The following PKHD1 variants were observed in gnomAD, a reference collection of about 807,000 sequenced individuals.
PKHD1 encodes fibrocystin.
Under a neutral mutation model 412.0 loss-of-function variants are expected in PKHD1, and 291 were observed. The ratio of observed to expected loss-of-function variants is 0.71; its 90% CI spans 0.64 to 0.78. The LOEUF (loss-of-function observed/expected upper bound fraction) is 0.78, where lower values mean the gene tolerates loss of function less well. Ranked by LOEUF, PKHD1 falls within the 30% of genes least tolerant of loss-of-function variation. The pLI is 0.00. For missense variants in PKHD1, 4,825 were observed against 4,950.7 expected (o/e 0.97, Z 0.76); for synonymous variants, 1,777 against 1,821.5 (o/e 0.98, Z 0.62).
chr6:51,676,839 C>T (rs1159240818), intron 60 of PKHD1, among the ~76,000 whole-genome samples: 1 of 152,106 alleles, frequency 6.6e-6, no homozygotes, highest in Non-Finnish European at 1.5e-5. Flanking sequence ...AAACTGTCTG[C>T]TTTTCTAGAA....
intron 62 of PKHD1, 115 bp from the exon 63 acceptor site, chr6:51,648,233 A>T: frequency 3.0e-6 from 2 of 668,822 alleles, no homozygotes; most frequent in Non-Finnish European, 5.4e-6. Context: ...ATTCAGTAGA[A>T]ATAAAGGAAA....
chr6:52,030,533 G>C (rs770929259), intron 29 of PKHD1, among the ~76,000 whole-genome samples: 1 of 152,088 alleles, frequency 6.6e-6, no homozygotes. Context: ...ACATGACTAC[G>C]AGGTGACAGT....
chr6:52,078,046 C>T (rs1447651340), intron 5 of PKHD1, among the ~76,000 whole-genome samples: 2 of 152,202 alleles, frequency 1.3e-5, no homozygotes, highest in East Asian at 3.8e-4. Context: ...GCATACCTCT[C>T]TATTTCAACC....
rs117111282 is a variant in PKHD1 at position 51,637,644 on chromosome 6, G to A, written c.11506+1205C>T. Among the ~76,000 whole-genome samples the A allele has an allele frequency of 2.2e-4, 33 of 151,668 alleles. No homozygotes were observed. In the East Asian group the frequency reaches 4.9e-3, roughly 22 times the overall value. On this transcript the variant is annotated intron_variant, in intron 64 of 66. Coordinates refer to ENST00000371117, the MANE Select transcript of PKHD1 (RefSeq NM_138694.4). The stretch of plus-strand genomic sequence containing the variant: ...ATCCAGGCTGGGCGTGGTGACTGAT[G>A]CCTGTAATCCCAGCACTTAGGGAGG...
intron 55 of PKHD1, among the ~76,000 whole-genome samples, chr6:51,756,912 G>A (rs78228270): frequency 0.042 from 6,460 of 152,172 alleles, 208 homozygotes; most frequent in Middle Eastern, 0.11. Context: ...AGGTGGATTC[G>A]GGATGAAACT....
intron 53 of PKHD1, among the ~76,000 whole-genome samples, chr6:51,785,411 T>C (rs1792701293): frequency 6.6e-6 from 1 of 152,218 alleles, no homozygotes. Context: ...AAAATGAAGT[T>C]GTTAAAGAAT....
In PKHD1 at chr6:51,883,242, A is replaced by G. The variant is rs772677103; in HGVS notation, c.7216-15T>C. The G allele has an allele frequency of 6.2e-7, 1 of 1,611,822 alleles. No individual in the cohort carries two copies. Among genetic ancestry groups the G allele is most frequent in the Admixed American group, 1.7e-5 (1 of 60,006 alleles). ...CTTCTAAAAATCTATAAAATACAGCATGTTACAGCAAAGGTCTGAGGCTTG... is the reference window on the plus strand; with the variant it reads ...CTTCTAAAAATCTATAAAATACAGCGTGTTACAGCAAAGGTCTGAGGCTTG... On this transcript the variant is annotated splice_polypyrimidine_tract_variant and intron_variant, in intron 45 of 66. Transcript: ENST00000371117.
At chr6:51,749,485 T>A (rs1562227679) in intron 57 of PKHD1, among the ~76,000 whole-genome samples, 5 of 152,146 alleles carry the variant, frequency 3.3e-5, no homozygotes, top group Admixed American at 2.0e-4. Context: ...TTTGGTAAAA[T>A]TAATAATAAC....
At chr6:52,035,838 AG>A (rs1803861581) in intron 27 of PKHD1, 117 bp from the exon 28 acceptor site, 1 of 1,031,208 alleles carries the variant, frequency 9.7e-7, no homozygotes, top group Admixed American at 1.9e-5. Context: ...GTCAAAACAA[AG>A]GCAATGCTCA....
intron 39 of PKHD1, among the ~76,000 whole-genome samples, 157 bp from the exon 40 acceptor site, chr6:51,909,631 T>C (rs1782665179): frequency 6.6e-6 from 1 of 152,126 alleles, no homozygotes; most frequent in African/African-American, 2.4e-5. Flanking sequence ...TTCTCCTCTG[T>C]ATATTATTAA....
chr6:51,937,542 T>C (rs1241497259), intron 36 of PKHD1, among the ~76,000 whole-genome samples: 2 of 152,240 alleles, frequency 1.3e-5, no homozygotes, highest in Admixed American at 6.5e-5. Flanking sequence ...CTTCCCTAAC[T>C]TCTCTTCAGC....
intron 63 of PKHD1, among the ~76,000 whole-genome samples, chr6:51,641,378 T>C (rs1407232599): frequency 2.0e-5 from 3 of 152,202 alleles, no homozygotes; most frequent in African/African-American, 7.2e-5. Flanking sequence ...CCAGTTAGAA[T>C]GGCAATCATT....
At chr6:51,714,417 AC>A (rs1456621915) in intron 60 of PKHD1, among the ~76,000 whole-genome samples, 1 of 152,050 alleles carries the variant, frequency 6.6e-6, no homozygotes, top group East Asian at 1.9e-4. Flanking sequence ...GTCCTCTTCT[AC>A]CTTCCAATGA....
chr6:51,719,975 A>G (rs1232764590), intron 60 of PKHD1, among the ~76,000 whole-genome samples: 1 of 152,214 alleles, frequency 6.6e-6, no homozygotes, highest in Non-Finnish European at 1.5e-5. Context: ...TAACTTTAAT[A>G]GGTACCAATG....
intron 60 of PKHD1, among the ~76,000 whole-genome samples, chr6:51,711,779 A>G (rs1780687116): frequency 6.6e-6 from 1 of 152,250 alleles, no homozygotes; most frequent in African/African-American, 2.4e-5. Context: ...AATAAATGAA[A>G]GAAATGTGTA....
intron 60 of PKHD1, among the ~76,000 whole-genome samples, chr6:51,701,558 T>C (rs1441996292): frequency 6.6e-6 from 1 of 152,112 alleles, no homozygotes; most frequent in African/African-American, 2.4e-5. Context: ...GCAAAATATT[T>C]TCCTAAAACT....
At chr6:51,723,782 C>A (rs1782217508) in intron 60 of PKHD1, among the ~76,000 whole-genome samples, 1 of 151,972 alleles carries the variant, frequency 6.6e-6, no homozygotes, top group African/African-American at 2.4e-5. Context: ...AGATGTAATT[C>A]CAGAAAGAGA....
chr6:51,946,510 G>A (rs1035820442), intron 36 of PKHD1, among the ~76,000 whole-genome samples: 1 of 152,164 alleles, frequency 6.6e-6, no homozygotes, highest in African/African-American at 2.4e-5. Flanking sequence ...TATACAGTGG[G>A]CTGCTTTAAA....
intron 33 of PKHD1, 81 bp from the exon 34 acceptor site, chr6:52,017,710 T>G: frequency 9.8e-7 from 1 of 1,016,852 alleles, no homozygotes; most frequent in Non-Finnish European, 1.6e-6. Context: ...GAAGTTCCTG[T>G]GTCCTCCTTT....
Sources: gnomAD v4.1 joint callset for allele counts (sites outside exome capture counted in the v4.1 genomes callset) on GRCh38, gnomAD v4.1.1 for gene constraint, MANE v1.5 for transcripts, NCBI Gene and HGNC (gene_info 2026-07-23, HGNC 2026-07-21) for gene names.